The following PDS5A variants were observed in gnomAD, a reference collection of about 807,000 sequenced individuals.
The protein encoded by PDS5A is PDS5 cohesin associated factor A.
Under a neutral mutation model 167.1 loss-of-function variants are expected in PDS5A, and 42 were observed. That is an observed-to-expected ratio of 0.25 (90% CI 0.20 to 0.33). The LOEUF is 0.33. Ranked by LOEUF, PDS5A falls within the 10% of genes least tolerant of loss-of-function variation. The probability of loss-of-function intolerance (pLI) is 1.00; values close to 1 mark genes in which losing one functional copy is unlikely to be tolerated. For synonymous variants in PDS5A, 553 were observed against 554.6 expected, an observed-to-expected ratio of 1.00 and a Z score of 0.04; for missense variants, 1,033 against 1,605.9, an observed-to-expected ratio of 0.64 and a Z score of 6.10.
chr4:39,832,772 T>C (rs1476584785), intron 32 of PDS5A, among the ~76,000 whole-genome samples: 1 of 152,082 alleles, frequency 6.6e-6, no homozygotes, highest in Non-Finnish European at 1.5e-5. Context: ...AGAGGATTGC[T>C]TGAGCCTCAG....
intron 21 of PDS5A, among the ~76,000 whole-genome samples, chr4:39,871,278 C>T (rs1386566374): frequency 1.3e-5 from 2 of 152,070 alleles, no homozygotes; most frequent in Non-Finnish European, 2.9e-5. Flanking sequence ...AAATTTGATA[C>T]TATGTATAGT....
At chr4:39,829,171 T>TC (rs1341515988) in intron 32 of PDS5A, among the ~76,000 whole-genome samples, 1 of 152,170 alleles carries the variant, frequency 6.6e-6, no homozygotes, top group Non-Finnish European at 1.5e-5. Context: ...TATAAAACCT[T>TC]AACAGGATGA....
chr4:39,884,062 G>A (rs1425508005), intron 17 of PDS5A, among the ~76,000 whole-genome samples: 5 of 151,996 alleles, frequency 3.3e-5, no homozygotes. Context: ...CTGAGTAGCT[G>A]GGATTACAGT....
At chr4:39,854,054 C>T (rs896359085) in intron 26 of PDS5A, among the ~76,000 whole-genome samples, 1 of 152,162 alleles carries the variant, frequency 6.6e-6, no homozygotes, top group Non-Finnish European at 1.5e-5. Flanking sequence ...GTAATCCCAG[C>T]ACTTTGGGAG....
chr4:39,976,278 C>A, intron 2 of PDS5A, 162 bp downstream of exon 2: 2 of 532,298 alleles, frequency 3.8e-6, no homozygotes, highest in Non-Finnish European at 6.7e-6. Flanking sequence ...TATATCCCTA[C>A]AAAACTCACT....
intron 30 of PDS5A, among the ~76,000 whole-genome samples, chr4:39,842,739 C>T (rs1246032243): frequency 6.6e-6 from 1 of 150,904 alleles, no homozygotes; most frequent in East Asian, 1.9e-4. Flanking sequence ...TCACAAACAC[C>T]CCATAAATAT....
intron 8 of PDS5A, among the ~76,000 whole-genome samples, chr4:39,914,106 T>C (rs1724129879): frequency 6.6e-6 from 1 of 151,934 alleles, no homozygotes; most frequent in Admixed American, 6.6e-5. Context: ...ATAGGAAATC[T>C]GCAATTTACG....
intron 31 of PDS5A, among the ~76,000 whole-genome samples, chr4:39,840,471 C>T (rs929325314): frequency 2.0e-5 from 3 of 152,232 alleles, no homozygotes; most frequent in African/African-American, 7.2e-5. Flanking sequence ...TCTTGGCTCA[C>T]TGCAACCTCC....
chr4:39,908,513 G>C lies in PDS5A; in HGVS notation c.1115C>G (p.Pro372Arg). Reference sequence around the variant, plus strand: ...GACATCATGACGAATAGCTTCTTCTGGATCATGTGATCTAACCTTTAAATA... The same window carrying C: ...GACATCATGACGAATAGCTTCTTCTCGATCATGTGATCTAACCTTTAAATA... ...TEYLKVRSHD[P>R]EEAIRHDVIV... Residue 372 changes from proline (P) to arginine (R), a missense_variant, in exon 11 of 33, where the codon CCA becomes CGA. Pro to Arg is a moderately radical substitution (Grantham distance 103). Around this residue, in one of 4 missense-constraint regions of PDS5A, gnomAD observed 388 missense variants for 615.1 expected, o/e 0.63. Coordinates refer to ENST00000303538, the MANE Select transcript of PDS5A (RefSeq NM_001100399.2). 1 of 1,592,456 alleles carries C rather than the reference G, an allele frequency of 6.3e-7. No homozygotes were observed. Among genetic ancestry groups the C allele is most frequent in the Non-Finnish European group, 8.6e-7 (1 of 1,160,902 alleles).
At chr4:39,969,927 T>C (rs1252136579) in intron 2 of PDS5A, among the ~76,000 whole-genome samples, 2 of 150,118 alleles carry the variant, frequency 1.3e-5, no homozygotes, top group Admixed American at 6.7e-5. Flanking sequence ...ATAAATGTAA[T>C]ATGAAGGAGT....
chr4:39,842,909 TTA>T lies in PDS5A; in HGVS notation c.3549-855_3549-854del, dbSNP rs71194933. Among the ~76,000 whole-genome samples the T allele has an allele frequency of 1.3e-3, 118 of 92,306 alleles. 4 individuals carry two copies. The highest frequency in any genetic ancestry group is 4.5e-3 in the South Asian group (11 of 2,464). The allele number at this position is 92,306 out of a possible 152,430, so 60.6% of individuals were successfully genotyped here. The stretch of plus-strand genomic sequence containing the variant: ...AGAACAATGTAAACTTATCCTATTT[TTA>T]TATATATATATATATATATATATAT... On this transcript the variant is annotated intron_variant, in intron 30 of 32. Coordinates refer to ENST00000303538, the MANE Select transcript of PDS5A (RefSeq NM_001100399.2).
chr4:39,912,801 T>C (rs1724007496), intron 9 of PDS5A, among the ~76,000 whole-genome samples: 1 of 152,228 alleles, frequency 6.6e-6, no homozygotes. Context: ...AAATAGAATT[T>C]AGTCATTCTA....
intron 2 of PDS5A, among the ~76,000 whole-genome samples, chr4:39,931,392 A>G (rs888099655): frequency 1.3e-5 from 2 of 152,156 alleles, no homozygotes; most frequent in African/African-American, 4.8e-5. Context: ...TATTTATCAT[A>G]TGTGGTTGAA....
chr4:39,910,260 T>C lies in PDS5A; in HGVS notation c.1071A>G (p.Leu357=). 3.2e-6 allele frequency: 5 copies of C among 1,572,936 alleles called. No individual in the cohort carries two copies. The highest frequency in any genetic ancestry group is 3.5e-6 in the Non-Finnish European group (4 of 1,147,580). Residue 357 remains leucine (L), a synonymous_variant, in exon 10 of 33, where the codon TTA becomes TTG. Coordinates refer to ENST00000303538, the MANE Select transcript of PDS5A (RefSeq NM_001100399.2). ...CTAGCTTACCTGTGAGATCCTTCGC[T>C]AAATCTGGGTGATTCATTAAACAAT... ...ASHCLMNHPD[L]AKDLTEYLKV... is the part of the protein sequence containing the mutation.
At chr4:39,961,876 T>C (rs896643992) in intron 2 of PDS5A, among the ~76,000 whole-genome samples, 1 of 152,234 alleles carries the variant, frequency 6.6e-6, no homozygotes, top group African/African-American at 2.4e-5. Flanking sequence ...TACATGTCAA[T>C]GTTACTTACT....
intron 2 of PDS5A, among the ~76,000 whole-genome samples, chr4:39,956,053 G>C (rs898474782): frequency 6.6e-6 from 1 of 151,428 alleles, no homozygotes; most frequent in South Asian, 2.1e-4. Context: ...GGGAGGCAGA[G>C]GTTGCAGTGA....
At position 39,890,360 on chromosome 4, in the gene PDS5A, T is replaced by C; in HGVS notation, c.1775A>G (p.Glu592Gly). 1 of 1,537,540 alleles carries C rather than the reference T, an allele frequency of 6.5e-7. No individual in the cohort carries two copies. Among genetic ancestry groups the C allele is most frequent in the Non-Finnish European group, 8.9e-7 (1 of 1,125,938 alleles). The change falls in exon 17 of 33, where the codon GAA (glutamate) becomes GGA (glycine). Residue 592 changes from glutamate to glycine, a missense_variant. Around this residue, in one of 4 missense-constraint regions of PDS5A, gnomAD observed 367 missense variants for 686.7 expected, o/e 0.53. Coordinates refer to ENST00000303538, the MANE Select transcript of PDS5A (RefSeq NM_001100399.2). ...SCKQADICVR[E>G]IARKLANPKQ... Reference sequence around the variant, plus strand: ...AGGATTTGCAAGTTTCCGGGCTATTTCTCTCTATAGAAAGAAAGGAGTTTT... The same window carrying C: ...AGGATTTGCAAGTTTCCGGGCTATTCCTCTCTATAGAAAGAAAGGAGTTTT...
intron 32 of PDS5A, among the ~76,000 whole-genome samples, chr4:39,836,176 A>C (rs1434672511): frequency 6.6e-6 from 1 of 152,198 alleles, no homozygotes; most frequent in African/African-American, 2.4e-5. Context: ...CTTTCATACT[A>C]ATGAAAAAGG....
chr4:39,863,887 T>C (rs984432402), intron 23 of PDS5A, among the ~76,000 whole-genome samples: 9 of 152,118 alleles, frequency 5.9e-5, no homozygotes, highest in South Asian at 2.1e-4. Context: ...TCCCAGCACA[T>C]TGGGAGGCCG....
Sources: allele counts gnomAD v4.1 joint callset (sites outside exome capture counted in the v4.1 genomes callset), GRCh38; gene constraint gnomAD v4.1.1; regional missense constraint gnomAD v4.1.1; transcripts MANE v1.5; gene names NCBI Gene and HGNC (gene_info 2026-07-23, HGNC 2026-07-21).